NUP210L: variants seen among roughly 807,000 people sequenced by gnomAD.
The protein encoded by NUP210L is nucleoporin 210 like.
A neutral mutation model predicts 208.5 loss-of-function variants in NUP210L; 74 were observed. The observed-to-expected ratio is 0.35, with a 90% confidence interval of 0.29 to 0.43. The LOEUF is 0.43. NUP210L is among the 20% of genes least tolerant of loss of function. The pLI is 1.00. For missense variants in NUP210L, 1,843 were observed against 2,289.4 expected, an observed-to-expected ratio of 0.81 and a Z score of 3.98; for synonymous variants, 780 against 816.9, an observed-to-expected ratio of 0.95 and a Z score of 0.77.
chr1:154,057,971 C>T (rs1653957981), intron 22 of NUP210L, 118 bp downstream of exon 22: 3 of 1,114,212 alleles, frequency 2.7e-6, no homozygotes, highest in Non-Finnish European at 3.9e-6. Context: ...TGTATTCTAA[C>T]AGAAAAGGAA....
chr1:154,091,660 C>G lies in NUP210L; in HGVS notation c.2188-2066G>C, dbSNP rs575940705. Among the ~76,000 whole-genome samples, 3 of 151,624 alleles carry G rather than the reference C, an allele frequency of 2.0e-5. No individual in the cohort carries two copies. In the South Asian group the frequency reaches 6.2e-4, roughly 32 times the overall value. On this transcript the variant is annotated intron_variant, in intron 15 of 39. Coordinates refer to ENST00000368559, the Ensembl canonical transcript of NUP210L. ...AGATTACAGGTGCCCACCACCACGTCCGGCTAATTTTTGTATTTTTAGTAG... is the reference window on the plus strand; with the variant it reads ...AGATTACAGGTGCCCACCACCACGTGCGGCTAATTTTTGTATTTTTAGTAG...
chr1:154,093,044 A>C (rs1656011108), intron 15 of NUP210L, among the ~76,000 whole-genome samples: 1 of 152,176 alleles, frequency 6.6e-6, no homozygotes, highest in Admixed American at 6.6e-5. Context: ...CAGTTGTATA[A>C]GATGAAAAGA....
In NUP210L at chr1:154,077,995, G is replaced by GA. The variant is rs571552129; in HGVS notation, c.2362-7531dup. Among the ~76,000 whole-genome samples the GA allele has an allele frequency of 1.5e-3, 234 of 151,298 alleles. 2 individuals carry two copies. The highest frequency in any genetic ancestry group is 8.4e-3 in the South Asian group (40 of 4,788). On this transcript the variant is annotated intron_variant, in intron 16 of 39. Coordinates refer to ENST00000368559, the Ensembl canonical transcript of NUP210L. ...GTGAGACTCAGTCTCAAAGAAAAAA[G>GA]AAAAAAATATTTATAAAGTAATAAT...
intron 6 of NUP210L, among the ~76,000 whole-genome samples, chr1:154,137,705 AC>A (rs1179936949): frequency 6.6e-6 from 1 of 152,054 alleles, no homozygotes; most frequent in East Asian, 1.9e-4. Context: ...ACAGAGTGAG[AC>A]CCCCATCTCA....
chr1:154,065,705 C>A (rs1189443757), intron 17 of NUP210L, among the ~76,000 whole-genome samples: 1 of 151,802 alleles, frequency 6.6e-6, no homozygotes, highest in Non-Finnish European at 1.5e-5. Context: ...CCATCTTGGG[C>A]AACATGGTGA....
chr1:154,034,117 A>C (rs1400240984), intron 27 of NUP210L, among the ~76,000 whole-genome samples: 1 of 152,008 alleles, frequency 6.6e-6, no homozygotes, highest in Non-Finnish European at 1.5e-5. Flanking sequence ...ATCAATGTTC[A>C]TCAGAGATCT....
At chr1:154,141,091 G>T (rs1045580266) in intron 4 of NUP210L, among the ~76,000 whole-genome samples, 1 of 151,736 alleles carries the variant, frequency 6.6e-6, no homozygotes, top group Non-Finnish European at 1.5e-5. Flanking sequence ...CCTTGGTACT[G>T]AAGACAAAAT....
chr1:154,133,234 C>T (rs776496532), intron 7 of NUP210L, among the ~76,000 whole-genome samples: 1 of 152,140 alleles, frequency 6.6e-6, no homozygotes, highest in African/African-American at 2.4e-5. Flanking sequence ...GTGCCAGTGT[C>T]GCCTCATCAG....
rs1557994796 is a variant in NUP210L at position 154,125,680 on chromosome 1, AG to A, written c.1326+642del. ...AAGGAAGGAAGGAAGGAAGGAAGGA[AG>A]GAAGGAAGGAAGGAAGGAAGGAAGG... On this transcript the variant is annotated intron_variant, in intron 10 of 39. Transcript: ENST00000368559. Among the ~76,000 whole-genome samples, 10 of 5,336 alleles carry A rather than the reference AG, an allele frequency of 1.9e-3. 2 individuals carry two copies. Among genetic ancestry groups the A allele is most frequent in the African/African-American group, 3.1e-3 (8 of 2,562 alleles). 3.5% of individuals were successfully genotyped at this position (5,336 alleles called of 152,430 possible).
intron 25 of NUP210L, 102 bp from the exon 26 acceptor site, chr1:154,046,471 G>A: frequency 1.0e-6 from 1 of 981,392 alleles, no homozygotes. Context: ...TTAACATTCA[G>A]TAAAAAACCT....
At chr1:154,091,339 A>C (rs1655900758) in intron 15 of NUP210L, among the ~76,000 whole-genome samples, 1 of 151,410 alleles carries the variant, frequency 6.6e-6, no homozygotes, top group Non-Finnish European at 1.5e-5. Flanking sequence ...CAACTGATCC[A>C]CCTGCCTCAA....
At position 154,083,098 on chromosome 1, in the gene NUP210L, A is replaced by G. The variant is rs1428192175; in HGVS notation, c.2361+6323T>C. Among the ~76,000 whole-genome samples, 5 of 152,198 alleles carry G rather than the reference A, an allele frequency of 3.3e-5. No individual in the cohort carries two copies. The East Asian group carries it at 9.6e-4, about 29-fold the overall frequency. On this transcript the variant is annotated intron_variant, in intron 16 of 39. Coordinates refer to ENST00000368559, the Ensembl canonical transcript of NUP210L. ...TACTGTGAAGACCAAATGAACAAAT[A>G]TTCCGCAGCACAGAAAAGCAACCGA...
intron 32 of NUP210L, 93 bp from the exon 33 acceptor site, chr1:154,019,162 A>G: frequency 7.7e-7 from 1 of 1,303,946 alleles, no homozygotes; most frequent in Non-Finnish European, 1.1e-6. Flanking sequence ...TTTTTCAAGC[A>G]TGCAGATATC....
chr1:154,082,650 G>A (rs986961641), intron 16 of NUP210L, among the ~76,000 whole-genome samples: 2 of 152,130 alleles, frequency 1.3e-5, no homozygotes, highest in African/African-American at 2.4e-5. Context: ...AGTTCCATGA[G>A]TCACTCTGCT....
chr1:154,149,297 G>A (rs952023491), intron 2 of NUP210L, among the ~76,000 whole-genome samples: 1 of 152,026 alleles, frequency 6.6e-6, no homozygotes, highest in African/African-American at 2.4e-5. Flanking sequence ...TGTAGGCCAG[G>A]CTGGTCTCGA....
intron 37 of NUP210L, among the ~76,000 whole-genome samples, chr1:153,999,734 C>CAAAAAAAA (rs1172554188): frequency 1.8e-5 from 1 of 54,594 alleles, no homozygotes; most frequent in Admixed American, 2.5e-4. Flanking sequence ...AAGACTCTCT[C>CAAAAAAAA]AAAAAAAAAA....
intron 6 of NUP210L, among the ~76,000 whole-genome samples, chr1:154,137,426 C>T (rs1157158297): frequency 6.6e-6 from 1 of 152,072 alleles, no homozygotes. Flanking sequence ...GTGGTGCACA[C>T]CTGTAATCCC....
At chr1:154,092,331 G>A (rs1295259928) in intron 15 of NUP210L, among the ~76,000 whole-genome samples, 8 of 149,332 alleles carry the variant, frequency 5.4e-5, no homozygotes, top group South Asian at 4.2e-4. Context: ...CGCCCGCCTC[G>A]TCCTCCCAAA....
chr1:154,086,816 T>TAA (rs545109848), intron 16 of NUP210L, among the ~76,000 whole-genome samples: 1 of 143,710 alleles, frequency 7.0e-6, no homozygotes, highest in African/African-American at 2.5e-5. Flanking sequence ...CCCTGTGTCT[T>TAA]AAAAAAAAAA....
Sources: gnomAD v4.1 joint callset for allele counts (sites outside exome capture counted in the v4.1 genomes callset) on GRCh38, gnomAD v4.1.1 for gene constraint, MANE v1.5 for transcripts, NCBI Gene and HGNC (gene_info 2026-07-23, HGNC 2026-07-21) for gene names.